PTCHD4: variants seen among roughly 807,000 people sequenced by gnomAD.
PTCHD4 encodes patched domain containing 4, also known as patched domain-containing protein 4.
A neutral mutation model predicts 58.1 loss-of-function variants in PTCHD4; 33 were observed. That is an observed-to-expected ratio of 0.57 (90% CI 0.43 to 0.76). PTCHD4 has a LOEUF of 0.76. PTCHD4 is among the 30% of genes least tolerant of loss of function. The pLI is 0.00. For missense variants in PTCHD4, 1,058 were observed against 1,027.1 expected, an observed-to-expected ratio of 1.03 and a Z score of -0.41; for synonymous variants, 478 against 409.6, an observed-to-expected ratio of 1.17 and a Z score of -2.02.
chr6:47,937,370 T>C (rs571676100), intron 4 of PTCHD4, among the ~76,000 whole-genome samples: 47 of 152,266 alleles, frequency 3.1e-4, no homozygotes, highest in African/African-American at 1.1e-3. Flanking sequence ...TGGCCACGTT[T>C]TGAAGATAAA....
chr6:48,051,781 T>C (rs1764243283), intron 3 of PTCHD4, among the ~76,000 whole-genome samples: 1 of 152,000 alleles, frequency 6.6e-6, no homozygotes, highest in Non-Finnish European at 1.5e-5. Flanking sequence ...AAACATTTAT[T>C]ACCAATTGAG....
chr6:47,878,951 G>A lies in PTCHD4; in HGVS notation c.1884C>T (p.Pro628=). 1 of 1,613,034 alleles carries A rather than the reference G, an allele frequency of 6.2e-7. No individual in the cohort carries two copies. Among genetic ancestry groups the A allele is most frequent in the East Asian group, 2.2e-5 (1 of 44,834 alleles). The change falls in exon 5 of 5, where the codon CCC becomes CCT. Residue 628 remains proline, a synonymous_variant. Transcript: ENST00000339488. The part of the protein sequence containing the change: ...EITEVLEKLR[P]LSLSKSIRFI... ...ATCGGATGCTCTTTGAGAGGGATAG[G>A]GGCCTCAGCTTTTCCAACACTTCTG...
intron 1 of PTCHD4, among the ~76,000 whole-genome samples, chr6:48,101,369 A>G (rs1037335658): frequency 6.6e-6 from 1 of 152,226 alleles, no homozygotes; most frequent in Admixed American, 6.5e-5. Flanking sequence ...CCTAGCTGTA[A>G]CAGTTTAACA....
chr6:47,981,290 AAT>A (rs1419547846), intron 4 of PTCHD4, among the ~76,000 whole-genome samples: 1 of 151,686 alleles, frequency 6.6e-6, no homozygotes. Context: ...CATGTTTCTA[AAT>A]ATGTTTTCGC....
At chr6:48,031,766 T>A (rs1011878767) in intron 3 of PTCHD4, among the ~76,000 whole-genome samples, 1 of 152,128 alleles carries the variant, frequency 6.6e-6, no homozygotes, top group Non-Finnish European at 1.5e-5. Context: ...GAGGAGAAAT[T>A]CTAAGGGATG....
intron 4 of PTCHD4, among the ~76,000 whole-genome samples, chr6:47,943,577 G>A (rs1032074771): frequency 6.6e-6 from 1 of 152,052 alleles, no homozygotes; most frequent in Admixed American, 6.6e-5. Context: ...TCATGTGCCT[G>A]GAAAATTACA....
chr6:47,962,510 C>T (rs1010910136), intron 4 of PTCHD4, among the ~76,000 whole-genome samples: 24 of 152,014 alleles, frequency 1.6e-4, no homozygotes, highest in African/African-American at 5.8e-4. Flanking sequence ...GCAGTGATCC[C>T]ATGCTGCTCT....
chr6:48,090,925 T>C (rs1765353344), intron 1 of PTCHD4, among the ~76,000 whole-genome samples: 1 of 152,244 alleles, frequency 6.6e-6, no homozygotes, highest in Admixed American at 6.5e-5. Context: ...CTTTAATTTG[T>C]GGCAAAGTTT....
intron 3 of PTCHD4, among the ~76,000 whole-genome samples, chr6:48,058,348 C>T (rs1764489865): frequency 6.6e-6 from 1 of 152,208 alleles, no homozygotes; most frequent in African/African-American, 2.4e-5. Flanking sequence ...ACTTTGAGAA[C>T]TACTGCTGTA....
chr6:47,956,317 T>C (rs1370344551), intron 4 of PTCHD4, among the ~76,000 whole-genome samples: 1 of 152,240 alleles, frequency 6.6e-6, no homozygotes, highest in African/African-American at 2.4e-5. Context: ...TTTTCCAAAC[T>C]TCCTCATAAG....
At chr6:48,073,611 G>T (rs1765013292) in intron 1 of PTCHD4, among the ~76,000 whole-genome samples, 1 of 152,078 alleles carries the variant, frequency 6.6e-6, no homozygotes, top group Non-Finnish European at 1.5e-5. Flanking sequence ...GGATATTTCT[G>T]GTCATCCAGG....
rs1334088011 is a variant in PTCHD4 at position 48,069,404 on chromosome 6, C to A, written c.-447G>T. Among the ~76,000 whole-genome samples the A allele has an allele frequency of 6.6e-6, 1 of 152,140 alleles. No homozygotes were observed. Among genetic ancestry groups the A allele is most frequent in the African/African-American group, 2.4e-5 (1 of 41,430 alleles). On this transcript the variant is annotated 5_prime_UTR_variant, in exon 2 of 5. Coordinates refer to ENST00000339488, the MANE Select transcript of PTCHD4 (RefSeq NM_001384253.1). ...AGGGCTCCAGGAGACAGCCTTCTCG[C>A]CCCTCCAGTTTCCCTGTGCCCTCGA...
chr6:48,052,731 T>C (rs923753594), intron 3 of PTCHD4, among the ~76,000 whole-genome samples: 3 of 152,090 alleles, frequency 2.0e-5, no homozygotes, highest in Non-Finnish European at 4.4e-5. Context: ...GTATTTAATA[T>C]AAAGGTGATA....
chr6:48,105,744 G>T (rs377113216), intron 1 of PTCHD4, among the ~76,000 whole-genome samples: 3 of 151,982 alleles, frequency 2.0e-5, no homozygotes, highest in Middle Eastern at 3.2e-3. Flanking sequence ...TCAAAGAGAC[G>T]CAATAAAAAA....
At chr6:47,960,710 G>C (rs1348143916) in intron 4 of PTCHD4, among the ~76,000 whole-genome samples, 2 of 151,616 alleles carry the variant, frequency 1.3e-5, no homozygotes, top group African/African-American at 2.4e-5. Context: ...AGAAGGACTA[G>C]TATTTAGAAT....
chr6:47,982,892 A>G (rs887855746), intron 4 of PTCHD4, among the ~76,000 whole-genome samples: 1 of 152,218 alleles, frequency 6.6e-6, no homozygotes, highest in Non-Finnish European at 1.5e-5. Context: ...TGAATATAGT[A>G]CAAGATGACT....
chr6:47,879,474 C>A lies in PTCHD4; in HGVS notation c.1361G>T (p.Trp454Leu), dbSNP rs1763952879. The A allele has an allele frequency of 2.5e-6, 4 of 1,613,468 alleles. No homozygotes were observed. The highest frequency in any genetic ancestry group is 3.4e-6 in the Non-Finnish European group (4 of 1,179,720). ...TGGCTTCACATATATATTGGTAATC[C>A]ATTCATTATAATGTTCACGGAGGAA... ...QHFLREHYNE[W>L]ITNIYVKPFV... Residue 454 changes from tryptophan (W) to leucine (L), a missense_variant, in exon 5 of 5, where the codon TGG becomes TTG. Transcript: ENST00000339488.
chr6:48,079,279 G>A (rs1765119801), intron 1 of PTCHD4, among the ~76,000 whole-genome samples: 1 of 152,016 alleles, frequency 6.6e-6, no homozygotes, highest in Admixed American at 6.6e-5. Context: ...TTGCATAGTC[G>A]TAACCATGAA....
At chr6:47,943,294 G>A (rs1766301412) in intron 4 of PTCHD4, among the ~76,000 whole-genome samples, 1 of 152,124 alleles carries the variant, frequency 6.6e-6, no homozygotes, top group South Asian at 2.1e-4. Flanking sequence ...ATGCTTTGAT[G>A]ATTGTGCACA....
Sources: allele counts gnomAD v4.1 joint callset (sites outside exome capture counted in the v4.1 genomes callset), GRCh38; gene constraint gnomAD v4.1.1; transcripts MANE v1.5; gene names NCBI Gene and HGNC (gene_info 2026-07-23, HGNC 2026-07-21).